Variants in HOMER2 observed in about 807,000 individuals in gnomAD.
HOMER2 encodes homer protein homolog 2.
In HOMER2, 27 loss-of-function variants were observed where a neutral mutation model predicts 47.0. The ratio of observed to expected loss-of-function variants is 0.57; its 90% CI spans 0.42 to 0.79. The LOEUF (loss-of-function observed/expected upper bound fraction) is 0.79. HOMER2 is among the 30% of genes least tolerant of loss of function. HOMER2 has a pLI of 0.00. For synonymous variants in HOMER2, 161 were observed against 163.8 expected (o/e 0.98, Z 0.13); for missense variants, 443 against 435.0 (o/e 1.02, Z -0.16).
intron 1 of HOMER2, among the ~76,000 whole-genome samples, chr15:82,983,830 G>A (rs895490751): frequency 2.0e-5 from 3 of 151,736 alleles, no homozygotes; most frequent in Non-Finnish European, 2.9e-5. Flanking sequence ...GACCTCAAGT[G>A]ATCCGCCTGC....
intron 2 of HOMER2, 139 bp from the exon 3 acceptor site, chr15:82,875,543 G>GGAACAACCCATGCTGAGTCAGAT: frequency 6.0e-6 from 5 of 827,240 alleles, no homozygotes; most frequent in Non-Finnish European, 9.4e-6. Flanking sequence ...GCGTTCTCCT[G>GGAACAACCCATGCTGAGTCAGAT]GAACAACCCA....
intron 6 of HOMER2, among the ~76,000 whole-genome samples, chr15:82,853,083 A>G (rs1038203174): frequency 2.0e-5 from 3 of 152,182 alleles, no homozygotes; most frequent in Admixed American, 2.0e-4. Context: ...GGCACCGAGG[A>G]CACTTCCCAG....
At chr15:82,844,770 T>C (rs948460182), downstream of HOMER2, 2 of 152,264 alleles carry the variant, frequency 1.3e-5, no homozygotes, top group Admixed American at 1.3e-4. Flanking sequence ...TAAACTCTTA[T>C]ATTTGATGCA....
intron 1 of HOMER2, among the ~76,000 whole-genome samples, chr15:82,947,729 A>C (rs1343168528): frequency 6.6e-6 from 1 of 152,216 alleles, no homozygotes; most frequent in Non-Finnish European, 1.5e-5. Context: ...AAGTTAACCC[A>C]AAAATTATCA....
downstream of HOMER2, chr15:82,845,430 G>A (rs2051229544): frequency 6.6e-6 from 1 of 152,132 alleles, no homozygotes; most frequent in Non-Finnish European, 1.5e-5. Flanking sequence ...AGACTAGACA[G>A]GAGTCCCTCT....
At chr15:82,928,128 TG>T (rs1448914446) in intron 1 of HOMER2, among the ~76,000 whole-genome samples, 3 of 152,236 alleles carry the variant, frequency 2.0e-5, no homozygotes, top group African/African-American at 7.2e-5. Context: ...AGAAATGCAC[TG>T]CTGGCCTAAA....
intron 1 of HOMER2, among the ~76,000 whole-genome samples, chr15:82,971,473 C>G (rs967696483): frequency 1.1e-4 from 17 of 151,950 alleles, no homozygotes; most frequent in African/African-American, 4.1e-4. Flanking sequence ...GTTGAGGAGG[C>G]AGAGCTGCTA....
Position 82,952,612 on chromosome 15 carries a change from C to G in HOMER2, c.-77G>C. On this transcript the variant is annotated 5_prime_UTR_variant, in exon 1 of 9. Coordinates refer to ENST00000450735, the MANE Select transcript of HOMER2 (RefSeq NM_004839.4). ...CCGCCCGCTCGGCAGCCGCTCCCCG[C>G]GCGGCACATGCGGCGGCCCGTGCGC... 9.2e-7 allele frequency: 1 copy of G among 1,088,730 alleles called. No homozygotes were observed. Among genetic ancestry groups the G allele is most frequent in the Non-Finnish European group, 1.1e-6 (1 of 897,564 alleles). The allele number at this position is 1,088,730 out of a possible 1,614,324, so 67.4% of individuals were successfully genotyped here.
intron 3 of HOMER2, among the ~76,000 whole-genome samples, chr15:82,865,750 C>G (rs967115100): frequency 6.6e-6 from 1 of 152,180 alleles, no homozygotes; most frequent in African/African-American, 2.4e-5. Context: ...AGGGACAGCT[C>G]GGGCCATGGC....
intron 6 of HOMER2, 62 bp downstream of exon 6, chr15:82,854,582 G>GC (rs1301400776): frequency 1.3e-6 from 2 of 1,517,394 alleles, no homozygotes; most frequent in Non-Finnish European, 1.8e-6. Flanking sequence ...GGTTGTGGGT[G>GC]CCCCCATCTC....
downstream of HOMER2, among the ~76,000 whole-genome samples, chr15:82,848,148 G>A (rs539679359): frequency 2.6e-4 from 39 of 152,156 alleles, no homozygotes; most frequent in East Asian, 1.9e-4. Context: ...AGGCGTCTCC[G>A]TGAGGGGAAG....
intron 2 of HOMER2, among the ~76,000 whole-genome samples, chr15:82,878,342 A>AT (rs559965486): frequency 9.2e-5 from 14 of 152,016 alleles, no homozygotes; most frequent in African/African-American, 3.4e-4. Context: ...TTTAACCCCC[A>AT]TTTTTTTCAG....
In HOMER2 at chr15:82,854,769, G is replaced by A. The variant is rs1358215004; in HGVS notation, c.526C>T (p.Leu176=). The A allele has an allele frequency of 6.2e-7, 1 of 1,611,064 alleles. No homozygotes were observed. Among genetic ancestry groups the A allele is most frequent in the Non-Finnish European group, 8.5e-7 (1 of 1,179,766 alleles). The change falls in exon 6 of 9, where the codon CTG becomes TTG. Residue 176 remains leucine, a synonymous_variant. Coordinates refer to ENST00000450735, the MANE Select transcript of HOMER2 (RefSeq NM_004839.4). ...GCATTGCTCTCCCGAAGGGTCTGCAGCTCGATCTCCCACTTCTTCACGTTG... is the reference window on the plus strand; with the variant it reads ...GCATTGCTCTCCCGAAGGGTCTGCAACTCGATCTCCCACTTCTTCACGTTG... The part of the protein sequence containing the change: ...AANVKKWEIE[L]QTLRESNARL...
intron 1 of HOMER2, among the ~76,000 whole-genome samples, chr15:82,968,183 T>A (rs2054692868): frequency 1.3e-5 from 2 of 152,204 alleles, no homozygotes; most frequent in African/African-American, 2.4e-5. Context: ...ATTACAGGCA[T>A]GAGCCACCAT....
chr15:82,864,365 G>A, intron 3 of HOMER2, 106 bp from the exon 4 acceptor site: 1 of 660,618 alleles, frequency 1.5e-6, no homozygotes, highest in Non-Finnish European at 2.6e-6. Context: ...CATACATTCT[G>A]TATAAATCCA....
intron 1 of HOMER2, among the ~76,000 whole-genome samples, 193 bp downstream of exon 1, chr15:82,952,325 AGGGTGCCCCTGCT>A (rs2054524081): frequency 6.6e-6 from 1 of 152,182 alleles, no homozygotes; most frequent in Non-Finnish European, 1.5e-5. Context: ...CGCCCAGGCC[AGGGTGCCCCTGCT>A]GGGTGTCCGC....
chr15:82,882,702 C>A (rs1269438302), intron 2 of HOMER2, among the ~76,000 whole-genome samples: 1 of 152,182 alleles, frequency 6.6e-6, no homozygotes, highest in African/African-American at 2.4e-5. Context: ...GTGACACATG[C>A]TTGGACAGGG....
intron 3 of HOMER2, among the ~76,000 whole-genome samples, chr15:82,865,720 G>C (rs958270422): frequency 6.6e-6 from 1 of 152,218 alleles, no homozygotes; most frequent in African/African-American, 2.4e-5. Context: ...AGCAGCTCCA[G>C]CTGTGACTAG....
intron 3 of HOMER2, among the ~76,000 whole-genome samples, chr15:82,867,001 G>A (rs974485028): frequency 6.6e-6 from 1 of 152,144 alleles, no homozygotes; most frequent in Admixed American, 6.6e-5. Flanking sequence ...GGTGAGAAAT[G>A]GGCCTCAACT....
Sources: gnomAD v4.1 joint callset for allele counts (sites outside exome capture counted in the v4.1 genomes callset) on GRCh38, gnomAD v4.1.1 for gene constraint, MANE v1.5 for transcripts, NCBI Gene and HGNC (gene_info 2026-07-23, HGNC 2026-07-21) for gene names.